Variants in LRP1B observed in about 807,000 individuals in gnomAD.
The protein encoded by LRP1B is LDL receptor related protein 1B.
A neutral mutation model predicts 556.6 loss-of-function variants in LRP1B; 217 were observed. The ratio of observed to expected loss-of-function variants is 0.39; its 90% CI spans 0.35 to 0.44. The LOEUF (loss-of-function observed/expected upper bound fraction) is 0.44, where lower values mean the gene tolerates loss of function less well. Ranked by LOEUF, LRP1B falls within the 20% of genes least tolerant of loss-of-function variation. The probability of loss-of-function intolerance (pLI) is 1.00; values close to 1 mark genes in which losing one functional copy is unlikely to be tolerated. For missense variants in LRP1B, 5,053 were observed against 5,620.8 expected (o/e 0.90, Z 3.23); for synonymous variants, 2,047 against 1,865.8 (o/e 1.10, Z -2.50).
At chr2:141,127,658 G>A (rs1361204516) in intron 7 of LRP1B, among the ~76,000 whole-genome samples, 2 of 152,246 alleles carry the variant, frequency 1.3e-5, no homozygotes, top group African/African-American at 4.8e-5. Context: ...CTTCAATGGA[G>A]TTTAAGTTTC....
In LRP1B at chr2:140,315,068, T is replaced by A; in HGVS notation, c.12672A>T (p.Gly4224=). The A allele has an allele frequency of 6.2e-7, 1 of 1,610,638 alleles. No individual in the cohort carries two copies. Among genetic ancestry groups the A allele is most frequent in the Non-Finnish European group, 8.5e-7 (1 of 1,178,248 alleles). ...CTTTCTCATTTAAAATGCATCTTCC[T>A]CCATTTTCACAAGTTAACTTACATG... ...DDSCKLTCEN[G]GRCILNEKGD... is the part of the protein sequence containing the mutation. The change falls in exon 83 of 91, where the codon GGA becomes GGT. Residue 4224 remains glycine (G), a synonymous_variant. Coordinates refer to ENST00000389484, the MANE Select transcript of LRP1B (RefSeq NM_018557.3).
At chr2:141,252,995 CA>C (rs1312391361) in intron 4 of LRP1B, among the ~76,000 whole-genome samples, 1 of 152,116 alleles carries the variant, frequency 6.6e-6, no homozygotes, top group Non-Finnish European at 1.5e-5. Flanking sequence ...CACATAAAAG[CA>C]ATTAATTAAC....
intron 6 of LRP1B, among the ~76,000 whole-genome samples, 186 bp downstream of exon 6, chr2:141,228,997 G>A (rs989392536): frequency 2.0e-5 from 3 of 152,122 alleles, no homozygotes; most frequent in African/African-American, 7.2e-5. Context: ...TTTAAATAGA[G>A]AAAGTTTATG....
At chr2:140,388,497 C>A (rs1683865561) in intron 66 of LRP1B, among the ~76,000 whole-genome samples, 1 of 151,992 alleles carries the variant, frequency 6.6e-6, no homozygotes, top group Non-Finnish European at 1.5e-5. Context: ...AAAATACCTG[C>A]ACCTATTTCT....
intron 32 of LRP1B, among the ~76,000 whole-genome samples, chr2:140,787,669 C>G (rs1487176978): frequency 2.1e-5 from 3 of 143,340 alleles, no homozygotes; most frequent in Non-Finnish European, 4.5e-5. Context: ...CTCCTGAGAT[C>G]AGGCAATCCT....
At chr2:142,029,253 C>T (rs1703606926) in intron 1 of LRP1B, among the ~76,000 whole-genome samples, 1 of 151,764 alleles carries the variant, frequency 6.6e-6, no homozygotes, top group Non-Finnish European at 1.5e-5. Context: ...AAATTAAGAC[C>T]ACAATGAGAT....
At chr2:141,905,955 T>G (rs1699747121) in intron 1 of LRP1B, among the ~76,000 whole-genome samples, 1 of 149,726 alleles carries the variant, frequency 6.7e-6, no homozygotes, top group Non-Finnish European at 1.5e-5. Context: ...TGTGTGTGTC[T>G]CTGTGTATAT....
intron 3 of LRP1B, among the ~76,000 whole-genome samples, chr2:141,287,397 A>G (rs1685762746): frequency 6.7e-6 from 1 of 150,282 alleles, no homozygotes; most frequent in African/African-American, 2.5e-5. Context: ...ATCTCGGCTC[A>G]CTGCAAGCTC....
At chr2:141,384,483 A>T (rs1689758341) in intron 3 of LRP1B, among the ~76,000 whole-genome samples, 1 of 152,168 alleles carries the variant, frequency 6.6e-6, no homozygotes, top group Non-Finnish European at 1.5e-5. Context: ...TTTTTAAATA[A>T]CATAAAAGAA....
At chr2:141,173,526 C>T (rs1407057879) in intron 7 of LRP1B, among the ~76,000 whole-genome samples, 1 of 152,060 alleles carries the variant, frequency 6.6e-6, no homozygotes, top group South Asian at 2.1e-4. Flanking sequence ...ACTATCAGTG[C>T]TCTAGGGATG....
chr2:141,717,466 T>C (rs889946477), intron 2 of LRP1B, among the ~76,000 whole-genome samples: 6 of 152,214 alleles, frequency 3.9e-5, no homozygotes, highest in African/African-American at 1.4e-4. Context: ...GGTGCCACAC[T>C]TAGTGGCAGC....
intron 37 of LRP1B, 138 bp downstream of exon 37, chr2:140,715,835 A>G: frequency 3.6e-6 from 2 of 552,806 alleles, no homozygotes; most frequent in Non-Finnish European, 6.0e-6. Flanking sequence ...CAAAGTGAAT[A>G]TAAACATTTT....
intron 45 of LRP1B, among the ~76,000 whole-genome samples, chr2:140,539,332 G>A (rs3793154): frequency 0.5 from 76,490 of 151,872 alleles, 19,537 homozygotes; most frequent in East Asian, 0.61. Flanking sequence ...TGACAAGGAG[G>A]AGCCAAGAGT....
chr2:140,804,184 C>A (rs946153208), intron 32 of LRP1B, among the ~76,000 whole-genome samples: 1 of 152,026 alleles, frequency 6.6e-6, no homozygotes, highest in African/African-American at 2.4e-5. Flanking sequence ...TTATCAGACT[C>A]CCCACCTTGT....
At chr2:140,551,205 GC>G (rs1192848609) in intron 43 of LRP1B, among the ~76,000 whole-genome samples, 1 of 152,068 alleles carries the variant, frequency 6.6e-6, no homozygotes, top group Non-Finnish European at 1.5e-5. Flanking sequence ...ATTTACAGCT[GC>G]TTTAAATTTT....
chr2:140,349,280 A>G (rs534362853), intron 77 of LRP1B, among the ~76,000 whole-genome samples: 1 of 152,270 alleles, frequency 6.6e-6, no homozygotes, highest in African/African-American at 2.4e-5. Flanking sequence ...GTCAAAATTG[A>G]AGATGTGTCT....
At chr2:141,647,842 A>G in intron 2 of LRP1B, among the ~76,000 whole-genome samples, 1 of 152,150 alleles carries the variant, frequency 6.6e-6, no homozygotes, top group East Asian at 1.9e-4. Flanking sequence ...TTTAATTGAA[A>G]TAATAAAACC....
intron 7 of LRP1B, among the ~76,000 whole-genome samples, chr2:141,078,912 T>G (rs1699857916): frequency 6.6e-6 from 1 of 152,196 alleles, no homozygotes; most frequent in African/African-American, 2.4e-5. Context: ...TTCTCCATCT[T>G]GGATAGTGAG....
Position 140,578,568 on chromosome 2 carries a change from A to G in LRP1B, c.7194+20063T>C, listed in dbSNP as rs147875810. On this transcript the variant is annotated intron_variant, in intron 43 of 90. Transcript: ENST00000389484. The stretch of plus-strand genomic sequence containing the variant: ...AGAATGCCATTCCCCAAAATACCCA[A>G]CTGGCAGCCTAACTCCCTCACTTTC... Among the ~76,000 whole-genome samples, 11 of 152,174 alleles carry G rather than the reference A, an allele frequency of 7.2e-5. No individual in the cohort carries two copies. The East Asian group carries it at 2.1e-3, about 29-fold the overall frequency.
Sources: allele counts gnomAD v4.1 joint callset (sites outside exome capture counted in the v4.1 genomes callset), GRCh38; gene constraint gnomAD v4.1.1; transcripts MANE v1.5; gene names NCBI Gene and HGNC (gene_info 2026-07-23, HGNC 2026-07-21).